ADAM17: variants seen among roughly 807,000 people sequenced by gnomAD.
The protein encoded by ADAM17 is disintegrin and metalloproteinase domain-containing protein 17.
ADAM17 carries 39 observed loss-of-function variants against 96.7 expected under a neutral mutation model. The observed-to-expected ratio is 0.40, with a 90% CI of 0.31 to 0.53. The LOEUF (loss-of-function observed/expected upper bound fraction) is 0.53, where lower values mean the gene tolerates loss of function less well. Ranked by LOEUF, ADAM17 falls within the 20% of genes least tolerant of loss-of-function variation. ADAM17 has a pLI of 0.44. For synonymous variants in ADAM17, 344 were observed against 359.2 expected, an observed-to-expected ratio of 0.96 and a Z score of 0.48; for missense variants, 777 against 1,013.2, an observed-to-expected ratio of 0.77 and a Z score of 3.17.
At chr2:9,511,364 C>A (rs1432619604) in intron 10 of ADAM17, among the ~76,000 whole-genome samples, 1 of 151,994 alleles carries the variant, frequency 6.6e-6, no homozygotes, top group Non-Finnish European at 1.5e-5. Flanking sequence ...ACAGGAAAAT[C>A]ACTTGAACCC....
At chr2:9,541,893 A>T (rs1002149756) in intron 2 of ADAM17, among the ~76,000 whole-genome samples, 36 of 152,174 alleles carry the variant, frequency 2.4e-4, no homozygotes, top group African/African-American at 8.4e-4. Context: ...AACAAAAATC[A>T]CCCAGGCGTG....
intron 10 of ADAM17, among the ~76,000 whole-genome samples, chr2:9,516,423 G>C (rs1472857112): frequency 6.6e-6 from 1 of 151,982 alleles, no homozygotes; most frequent in South Asian, 2.1e-4. Flanking sequence ...TCTTTTCTCA[G>C]ATGTGTCTTT....
chr2:9,495,199 C>T (rs1329542014), intron 14 of ADAM17, among the ~76,000 whole-genome samples: 1 of 152,228 alleles, frequency 6.6e-6, no homozygotes, highest in Non-Finnish European at 1.5e-5. Flanking sequence ...ACACAACTGT[C>T]CACCCTTGGG....
chr2:9,504,870 T>G lies in ADAM17; in HGVS notation c.1544+296A>C, dbSNP rs192223482. On this transcript the variant is annotated intron_variant, in intron 12 of 18. Transcript: ENST00000310823. ...ATGTCACACTGCTTTCCAGAAAGCT[T>G]CTTCTTTTCTTATTTGTTTTTTGTT... Among the ~76,000 whole-genome samples the G allele has an allele frequency of 6.4e-4, 98 of 152,070 alleles. 1 individual carries two copies. In the Middle Eastern group the frequency reaches 0.01, roughly 16 times the overall value.
intron 1 of ADAM17, 93 bp from the exon 2 acceptor site, chr2:9,543,378 G>A: frequency 4.4e-6 from 5 of 1,147,446 alleles, no homozygotes; most frequent in South Asian, 2.3e-5. Context: ...AATCTTTCCT[G>A]ATGTAATCCA....
At chr2:9,547,750 G>A (rs1665448591) in intron 1 of ADAM17, among the ~76,000 whole-genome samples, 1 of 152,032 alleles carries the variant, frequency 6.6e-6, no homozygotes, top group Non-Finnish European at 1.5e-5. Context: ...ATAGCTGTAA[G>A]TTGGAAATTT....
Position 9,505,354 on chromosome 2 carries a change from G to C in ADAM17, c.1356C>G (p.Asn452Lys). 1 of 1,613,908 alleles carries C rather than the reference G, an allele frequency of 6.2e-7. No individual in the cohort carries two copies. The highest frequency in any genetic ancestry group is 8.5e-7 in the Non-Finnish European group (1 of 1,179,850). The change falls in exon 12 of 19, where the codon AAC becomes AAG. Residue 452 changes from asparagine to lysine, a missense_variant. By Grantham distance (94) the Asn-to-Lys change is moderately conservative (BLOSUM62 0). Around this residue, in one of 3 missense-constraint regions of ADAM17, gnomAD observed 446 missense variants for 664.7 expected, o/e 0.67. Transcript: ENST00000310823. ...GDHENNKMFS[N>K]CSKQSIYKTI... The stretch of plus-strand genomic sequence containing the variant: ...TCTTATAGATTGATTGTTTACTGCA[G>C]TTTGAAAACATCTTGAGAGAAAAAA...
At chr2:9,531,948 C>T (rs532947010) in intron 4 of ADAM17, among the ~76,000 whole-genome samples, 5 of 152,100 alleles carry the variant, frequency 3.3e-5, no homozygotes, top group African/African-American at 1.2e-4. Flanking sequence ...ATACACTCTA[C>T]AAAAATTTAA....
intron 4 of ADAM17, 42 bp downstream of exon 4, chr2:9,535,792 A>C: frequency 7.7e-7 from 1 of 1,299,318 alleles, no homozygotes; most frequent in African/African-American, 1.5e-5. Flanking sequence ...TTTGAAAATC[A>C]GAGATATAAG....
intron 8 of ADAM17, 67 bp from the exon 9 acceptor site, chr2:9,518,314 A>C: frequency 6.9e-7 from 1 of 1,439,492 alleles, no homozygotes. Flanking sequence ...ATCAGACTAA[A>C]AGATGTAATC....
chr2:9,491,206 T>TA, intron 17 of ADAM17, 55 bp from the exon 18 acceptor site: 2 of 1,517,750 alleles, frequency 1.3e-6, no homozygotes, highest in Non-Finnish European at 1.8e-6. Flanking sequence ...AGTTAGTGAG[T>TA]ACTATTTCAT....
intron 17 of ADAM17, 70 bp downstream of exon 17, chr2:9,492,828 A>C: frequency 5.2e-6 from 7 of 1,340,770 alleles, no homozygotes; most frequent in African/African-American, 1.5e-5. Context: ...TACCTTTTCC[A>C]GAGATTACAT....
rs762334638 is a variant in ADAM17, at chr2:9,491,130, A to T, written c.2104T>A (p.Tyr702Asn). Residue 702 changes from tyrosine to asparagine, a missense_variant, in exon 18 of 19, where the codon TAT becomes AAT. Physicochemically the swap from Tyr to Asn is moderately radical, Grantham distance 143. This residue lies in a region of ADAM17 where 197 missense variants were observed against 219.4 expected (regional missense o/e 0.90). Coordinates refer to ENST00000310823, the MANE Select transcript of ADAM17 (RefSeq NM_003183.6). ...GGGTGAAACAGAGACAGAGATTCAT[A>T]CTGTTTATCCAATTTCTTATCCTAG... ...HCVDKKLDKQ[Y>N]ESLSLFHPSN... 6.2e-7 allele frequency: 1 copy of T among 1,613,290 alleles called. No homozygotes were observed. Among genetic ancestry groups the T allele is most frequent in the South Asian group, 1.1e-5 (1 of 90,996 alleles).
At chr2:9,526,033 T>C in intron 6 of ADAM17, 78 bp downstream of exon 6, 1 of 1,341,862 alleles carries the variant, frequency 7.5e-7, no homozygotes, top group Non-Finnish European at 1.0e-6. Context: ...CTGGAACAGA[T>C]CTGGTTGCAT....
intron 7 of ADAM17, chr2:9,521,840 T>TCTGCCCTGCCTGCCTGCCTGCCTGCCTGC (rs1664326016): frequency 7.0e-6 from 1 of 143,306 alleles, no homozygotes; most frequent in African/African-American, 2.6e-5. Context: ...TGTGAGTCTC[T>TCTGCCCTGCCTGCCTGCCTGCCTGCCTGC]CTGCCTGCCT....
At chr2:9,532,366 T>C (rs1445813489) in intron 4 of ADAM17, among the ~76,000 whole-genome samples, 2 of 152,158 alleles carry the variant, frequency 1.3e-5, no homozygotes, top group Admixed American at 6.5e-5. Context: ...ATAAAGAGTA[T>C]GAAAATCACC....
chr2:9,509,921 T>G, intron 11 of ADAM17, 58 bp downstream of exon 11: 1 of 1,588,666 alleles, frequency 6.3e-7, no homozygotes, highest in South Asian at 1.1e-5. Flanking sequence ...GCTCTCATTA[T>G]GATCATTATA....
rs774892528 is a variant in ADAM17, at chr2:9,510,061, G to T, written c.1262C>A (p.Ala421Glu). 1 of 1,614,094 alleles carries T rather than the reference G, an allele frequency of 6.2e-7. No individual in the cohort carries two copies. Among genetic ancestry groups the T allele is most frequent in the Non-Finnish European group, 8.5e-7 (1 of 1,179,998 alleles). Residue 421 changes from alanine to glutamate, a missense_variant, in exon 11 of 19, where the codon GCA becomes GAA. Ala to Glu is a moderately radical substitution (Grantham distance 107, BLOSUM62 -1). Transcript: ENST00000310823. Reference protein sequence around the residue: ...FGAEHDPDGLAECAPNEDQGG... With the variant: ...FGAEHDPDGLEECAPNEDQGG... ...CTGGTCCTCATTCGGGGCACATTCT[G>T]CTAGACCATCCGGATCATGTTCTGC...
chr2:9,494,706 G>T lies in ADAM17; in HGVS notation c.1845C>A (p.Val615=). The T allele has an allele frequency of 6.2e-7, 1 of 1,613,928 alleles. No homozygotes were observed. Among genetic ancestry groups the T allele is most frequent in the South Asian group, 1.1e-5 (1 of 91,062 alleles). The change falls in exon 15 of 19, where the codon GTC becomes GTA. Residue 615 remains valine, a synonymous_variant. Coordinates refer to ENST00000310823, the MANE Select transcript of ADAM17 (RefSeq NM_003183.6). ...AAAATAAGTTCTTTTGTTCAGCATCGACATAGGGCACACAGCGGCCAGAAA... is the reference window on the plus strand; with the variant it reads ...AAAATAAGTTCTTTTGTTCAGCATCTACATAGGGCACACAGCGGCCAGAAA... ...RDLSGRCVPY[V]DAEQKNLFLR...
Sources: gnomAD v4.1 joint callset for allele counts (sites outside exome capture counted in the v4.1 genomes callset) on GRCh38, gnomAD v4.1.1 for gene constraint, gnomAD v4.1.1 regional missense constraint, MANE v1.5 for transcripts, NCBI Gene and HGNC (gene_info 2026-07-23, HGNC 2026-07-21) for gene names.